The following PDE7B variants were observed in gnomAD, a reference collection of about 807,000 sequenced individuals.
The protein encoded by PDE7B is phosphodiesterase 7B, also known as 3',5'-cyclic-AMP phosphodiesterase 7B.
A neutral mutation model predicts 56.2 loss-of-function variants in PDE7B; 29 were observed. The ratio of observed to expected loss-of-function variants is 0.52; its 90% CI spans 0.38 to 0.70. PDE7B has a LOEUF of 0.70. Among genes scored for constraint, PDE7B ranks in the 30% least tolerant of loss-of-function variants. PDE7B has a pLI of 0.00. For missense variants in PDE7B, 490 were observed against 565.0 expected (o/e 0.87, Z 1.35); for synonymous variants, 197 against 196.9 (o/e 1.00, Z 0.00).
intron 2 of PDE7B, among the ~76,000 whole-genome samples, chr6:136,031,857 A>C (rs1401841597): frequency 1.3e-5 from 2 of 151,880 alleles, no homozygotes; most frequent in Non-Finnish European, 1.5e-5. Flanking sequence ...TATTTTTATT[A>C]GATTAAGAGG....
At chr6:136,182,932 G>A (rs1163669441) in intron 11 of PDE7B, among the ~76,000 whole-genome samples, 4 of 151,942 alleles carry the variant, frequency 2.6e-5, no homozygotes, top group Non-Finnish European at 5.9e-5. Flanking sequence ...AATCAGCCGG[G>A]CGTGGCGGCA....
chr6:135,986,759 G>A lies in PDE7B; in HGVS notation c.82+39235G>A, dbSNP rs115897995. On this transcript the variant is annotated intron_variant, in intron 2 of 12. Transcript: ENST00000308191. ...TCAACAAGTTTTCTTTCAGAAAGGA[G>A]TTTTATGATTAGGATAAGTCCATTT... Among the ~76,000 whole-genome samples the A allele has an allele frequency of 6.7e-3, 1,015 of 152,344 alleles. 9 individuals are homozygous for A. The highest frequency in any genetic ancestry group is 0.023 in the African/African-American group (955 of 41,572).
chr6:136,145,623 C>G (rs934382875), intron 3 of PDE7B, among the ~76,000 whole-genome samples: 1 of 152,108 alleles, frequency 6.6e-6, no homozygotes, highest in African/African-American at 2.4e-5. Context: ...CTTCATGGTA[C>G]CTGACCCATT....
chr6:136,179,126 G>A lies in PDE7B; in HGVS notation c.933G>A (p.Arg311=), dbSNP rs1779024751. 1.2e-6 allele frequency: 2 copies of A among 1,613,924 alleles called. No individual in the cohort carries two copies. The highest frequency in any genetic ancestry group is 1.7e-6 in the Non-Finnish European group (2 of 1,179,916). The change falls in exon 10 of 13, where the codon AGG becomes AGA. Residue 311 remains arginine (R), a synonymous_variant. Coordinates refer to ENST00000308191, the MANE Select transcript of PDE7B (RefSeq NM_018945.4). ...TAAGACTGGAGGATGCACAGGACAG[G>A]CACTTTATGCTTCAGGTAAACGAAA... ...KDLRLEDAQD[R]HFMLQIALKC... is the part of the protein sequence containing the mutation.
intron 2 of PDE7B, among the ~76,000 whole-genome samples, chr6:136,107,800 A>C (rs142915553): frequency 1.9e-3 from 296 of 152,266 alleles, no homozygotes; most frequent in African/African-American, 6.8e-3. Flanking sequence ...GGCAGGACAC[A>C]TACTAAAAAG....
intron 9 of PDE7B, among the ~76,000 whole-genome samples, chr6:136,176,830 C>T (rs1455650858): frequency 1.3e-5 from 2 of 152,110 alleles, no homozygotes; most frequent in East Asian, 1.9e-4. Context: ...CAGCAAATTA[C>T]TTAGCAGTTA....
chr6:136,168,983 A>T (rs193086180), intron 8 of PDE7B, among the ~76,000 whole-genome samples: 2 of 152,266 alleles, frequency 1.3e-5, no homozygotes, highest in African/African-American at 4.8e-5. Flanking sequence ...ATGTGGTAGC[A>T]CAGAGAAAAT....
chr6:136,070,927 C>T (rs943443996), intron 2 of PDE7B, among the ~76,000 whole-genome samples: 3 of 152,134 alleles, frequency 2.0e-5, no homozygotes, highest in Non-Finnish European at 4.4e-5. Flanking sequence ...GAAAAATCTC[C>T]ACCACCCCAT....
intron 2 of PDE7B, among the ~76,000 whole-genome samples, chr6:136,093,703 G>A (rs1361021096): frequency 2.0e-5 from 3 of 152,212 alleles, no homozygotes; most frequent in Non-Finnish European, 4.4e-5. Flanking sequence ...AGCAGAGAGA[G>A]AAGGGGGCAC....
At chr6:135,898,229 T>A (rs1775936424) in intron 1 of PDE7B, among the ~76,000 whole-genome samples, 2 of 152,210 alleles carry the variant, frequency 1.3e-5, no homozygotes, top group South Asian at 4.1e-4. Context: ...AATTGCAGAT[T>A]GTAGTTTTCA....
intron 2 of PDE7B, among the ~76,000 whole-genome samples, chr6:135,987,503 A>G (rs983676030): frequency 6.6e-5 from 10 of 152,230 alleles, no homozygotes; most frequent in African/African-American, 2.4e-4. Flanking sequence ...TGGTATCTCA[A>G]ATGGAGGCCA....
chr6:135,863,981 A>T (rs565580022), intron 1 of PDE7B, among the ~76,000 whole-genome samples: 2 of 152,082 alleles, frequency 1.3e-5, no homozygotes, highest in East Asian at 3.9e-4. Flanking sequence ...ACTATGTACA[A>T]TTTATTTATT....
intron 5 of PDE7B, among the ~76,000 whole-genome samples, chr6:136,149,950 G>A (rs938058439): frequency 6.6e-6 from 1 of 152,150 alleles, no homozygotes; most frequent in Admixed American, 6.5e-5. Context: ...CTAGATCATG[G>A]AGAGAAGAAT....
intron 2 of PDE7B, among the ~76,000 whole-genome samples, chr6:136,002,347 A>G (rs1277930686): frequency 6.6e-6 from 1 of 152,206 alleles, no homozygotes; most frequent in African/African-American, 2.4e-5. Context: ...TTCACACATA[A>G]CAATATTAAC....
chr6:135,867,620 TC>T (rs1158073011), intron 1 of PDE7B, among the ~76,000 whole-genome samples: 1 of 152,134 alleles, frequency 6.6e-6, no homozygotes, highest in African/African-American at 2.4e-5. Context: ...TGTGCACTGT[TC>T]CCCTCTTAAA....
chr6:136,039,664 T>C (rs1776383394), intron 2 of PDE7B, among the ~76,000 whole-genome samples: 1 of 152,132 alleles, frequency 6.6e-6, no homozygotes, highest in Non-Finnish European at 1.5e-5. Flanking sequence ...AGGGTTGGTC[T>C]CCAGTAAACA....
rs576956146 is a variant in PDE7B, at chr6:136,104,743, T to G, written c.83-3988T>G. ...TTGTGAAATTTCTCAGATGCATTGT[T>G]AGCATACTTACAATTGTCCTGCCTC... On this transcript the variant is annotated intron_variant, in intron 2 of 12. Transcript: ENST00000308191. Among the ~76,000 whole-genome samples the G allele has an allele frequency of 3.9e-5, 6 of 152,368 alleles. No individual in the cohort carries two copies. In the East Asian group the frequency reaches 1.2e-3, roughly 29 times the overall value.
chr6:136,161,294 C>T (rs1226227669), intron 8 of PDE7B, among the ~76,000 whole-genome samples: 2 of 152,156 alleles, frequency 1.3e-5, no homozygotes, highest in African/African-American at 4.8e-5. Context: ...TCACTCGAAT[C>T]GCTATTGCCT....
chr6:136,053,775 A>C (rs1403340443), intron 2 of PDE7B, among the ~76,000 whole-genome samples: 1 of 151,920 alleles, frequency 6.6e-6, no homozygotes, highest in Non-Finnish European at 1.5e-5. Context: ...ATGGTATCTC[A>C]TTGTGGTTTT....
Sources: allele counts gnomAD v4.1 joint callset (sites outside exome capture counted in the v4.1 genomes callset), GRCh38; gene constraint gnomAD v4.1.1; transcripts MANE v1.5; gene names NCBI Gene and HGNC (gene_info 2026-07-23, HGNC 2026-07-21).